CDH13: variants seen among roughly 807,000 people sequenced by gnomAD.
CDH13 encodes cadherin-13.
In CDH13, 24 loss-of-function variants were observed where a neutral mutation model predicts 63.8. The ratio of observed to expected loss-of-function variants is 0.38; its 90% CI spans 0.27 to 0.53. CDH13 has a LOEUF of 0.53. Ranked by LOEUF, CDH13 falls within the 20% of genes least tolerant of loss-of-function variation. The probability of loss-of-function intolerance (pLI) is 0.85; values close to 1 mark genes in which losing one functional copy is unlikely to be tolerated. For missense variants in CDH13, 1,049 were observed against 903.1 expected (o/e 1.16, Z -2.07); for synonymous variants, 503 against 355.3 (o/e 1.42, Z -4.67).
At chr16:83,520,878 C>G (rs2074816240) in intron 7 of CDH13, among the ~76,000 whole-genome samples, 1 of 152,132 alleles carries the variant, frequency 6.6e-6, no homozygotes, top group Non-Finnish European at 1.5e-5. Flanking sequence ...AATCTTCATC[C>G]AAGTTTTATT....
At chr16:83,342,127 A>G (rs532956490) in intron 5 of CDH13, among the ~76,000 whole-genome samples, 4 of 152,236 alleles carry the variant, frequency 2.6e-5, no homozygotes, top group African/African-American at 9.6e-5. Context: ...TGAGCACTCA[A>G]AACGTTCCTA....
chr16:83,232,547 AACAAAC>A (rs1343127729), intron 5 of CDH13, among the ~76,000 whole-genome samples: 28 of 84,200 alleles, frequency 3.3e-4, no homozygotes, highest in Admixed American at 3.4e-4. Context: ...AACAACAACA[AACAAAC>A]AAAAAAAAAA....
At chr16:83,651,393 C>T (rs1174145704) in intron 8 of CDH13, among the ~76,000 whole-genome samples, 2 of 151,944 alleles carry the variant, frequency 1.3e-5, no homozygotes, top group African/African-American at 4.8e-5. Context: ...TTCATGTAAG[C>T]ATTTTATAAA....
At chr16:83,097,153 C>A (rs575139146) in intron 3 of CDH13, among the ~76,000 whole-genome samples, 3 of 152,220 alleles carry the variant, frequency 2.0e-5, no homozygotes, top group South Asian at 2.1e-4. Context: ...GGAGGAGACT[C>A]GGTTGCCTTT....
chr16:82,644,190 C>A lies in CDH13; in HGVS notation c.45+17053C>A, dbSNP rs78197430. Among the ~76,000 whole-genome samples the A allele has an allele frequency of 0.058, 8,857 of 152,102 alleles. 301 individuals carry two copies. Among genetic ancestry groups the A allele is most frequent in the South Asian group, 0.11 (511 of 4,808 alleles). ...CCAAATTAACATGAATGTTTGGCAC[C>A]CTTTGGCTGGTGCGGCTGAAGAATT... is the stretch of plus-strand genomic sequence containing the variant. On this transcript the variant is annotated intron_variant, in intron 1 of 13. Transcript: ENST00000567109. This position sits in a 1 kb window ranked among gnomAD's most constrained non-coding sequence, Gnocchi z 5.7.
At chr16:83,549,758 C>T (rs7191334) in intron 7 of CDH13, among the ~76,000 whole-genome samples, 48,986 of 151,964 alleles carry the variant, frequency 0.32, 8,508 homozygotes, top group East Asian at 0.42. Context: ...CAAAACTTGT[C>T]AACTAAAGAA....
intron 8 of CDH13, among the ~76,000 whole-genome samples, chr16:83,649,230 A>G (rs769984107): frequency 5.9e-5 from 9 of 152,254 alleles, no homozygotes; most frequent in East Asian, 1.9e-4. Context: ...CACCTGTTCA[A>G]TCAGACCCAA....
intron 2 of CDH13, among the ~76,000 whole-genome samples, chr16:82,907,597 T>G (rs904765229): frequency 2.0e-5 from 3 of 152,164 alleles, no homozygotes; most frequent in Non-Finnish European, 2.9e-5. Context: ...TTCCTTTTTG[T>G]AAACTATGAC....
chr16:82,836,782 G>A (rs903836673), intron 1 of CDH13, among the ~76,000 whole-genome samples: 13 of 150,474 alleles, frequency 8.6e-5, no homozygotes, highest in African/African-American at 3.2e-4. Flanking sequence ...GGCAAGATGA[G>A]GTGAATTCAT....
intron 1 of CDH13, among the ~76,000 whole-genome samples, chr16:82,776,289 G>A (rs1424394886): frequency 6.6e-6 from 1 of 151,570 alleles, no homozygotes; most frequent in African/African-American, 2.4e-5. Context: ...AAGAAGGAAG[G>A]AAGGAAAGAA....
intron 6 of CDH13, among the ~76,000 whole-genome samples, chr16:83,387,617 T>G (rs1301802726): frequency 6.6e-6 from 1 of 152,214 alleles, no homozygotes; most frequent in East Asian, 1.9e-4. Flanking sequence ...GCTACAAAAT[T>G]ATCTTCTTGT....
intron 8 of CDH13, among the ~76,000 whole-genome samples, chr16:83,609,811 C>T (rs987234754): frequency 1.3e-5 from 2 of 152,194 alleles, no homozygotes; most frequent in African/African-American, 4.8e-5. Flanking sequence ...ATTATCATTA[C>T]TGTCTAATTT....
intron 1 of CDH13, among the ~76,000 whole-genome samples, chr16:82,727,867 G>A (rs1210708019): frequency 1.3e-5 from 2 of 152,102 alleles, no homozygotes; most frequent in Admixed American, 6.6e-5. Context: ...CAAGTCTACA[G>A]CATTTGAACA....
At chr16:83,781,265 T>G (rs760066221) in intron 12 of CDH13, among the ~76,000 whole-genome samples, 1 of 152,194 alleles carries the variant, frequency 6.6e-6, no homozygotes, top group African/African-American at 2.4e-5. Context: ...CTCACCCACT[T>G]TCTTCCCCAA....
intron 5 of CDH13, among the ~76,000 whole-genome samples, chr16:83,290,169 C>T (rs930366356): frequency 6.6e-6 from 1 of 152,186 alleles, no homozygotes; most frequent in African/African-American, 2.4e-5. Flanking sequence ...CTCCTTGCTG[C>T]TGTGCAATAT....
At chr16:82,903,066 G>T (rs534970901) in intron 2 of CDH13, among the ~76,000 whole-genome samples, 1 of 152,254 alleles carries the variant, frequency 6.6e-6, no homozygotes, top group East Asian at 1.9e-4. Context: ...CTATAAAGAT[G>T]GTAATGGAAA....
chr16:82,783,181 C>T (rs529771877), intron 1 of CDH13, among the ~76,000 whole-genome samples: 61 of 152,342 alleles, frequency 4.0e-4, no homozygotes, highest in African/African-American at 1.3e-3. Context: ...CATGGGCAAT[C>T]CATACTCATA....
At chr16:83,634,209 C>T (rs1437748172) in intron 8 of CDH13, among the ~76,000 whole-genome samples, 1 of 151,096 alleles carries the variant, frequency 6.6e-6, no homozygotes, top group Admixed American at 6.6e-5. Context: ...CCACCACCAC[C>T]ATCATGATAC....
At chr16:82,656,988 C>A (rs1246926333) in intron 1 of CDH13, among the ~76,000 whole-genome samples, 1 of 149,256 alleles carries the variant, frequency 6.7e-6, no homozygotes, top group East Asian at 2.0e-4. Context: ...ATCCATTGAC[C>A]TACTTAAGGA....
Sources: allele counts gnomAD v4.1 joint callset (sites outside exome capture counted in the v4.1 genomes callset), GRCh38; gene constraint gnomAD v4.1.1; non-coding constraint Gnocchi (gnomAD v3.1); transcripts MANE v1.5; gene names NCBI Gene and HGNC (gene_info 2026-07-23, HGNC 2026-07-21).